Variants in TXNDC11 observed in about 807,000 individuals in gnomAD.
TXNDC11 encodes the protein thioredoxin domain-containing protein 11.
Under a neutral mutation model 78.0 loss-of-function variants are expected in TXNDC11, and 68 were observed. The observed-to-expected ratio is 0.87, with a 90% confidence interval of 0.72 to 1.07. TXNDC11 has a LOEUF of 1.07. Ranked by LOEUF, TXNDC11 falls within the 50% of genes least tolerant of loss-of-function variation. The probability of loss-of-function intolerance (pLI) is 0.00; values close to 1 mark genes in which losing one functional copy is unlikely to be tolerated. For synonymous variants in TXNDC11, 571 were observed against 495.2 expected (o/e 1.15, Z -2.03); for missense variants, 1,389 against 1,221.8 (o/e 1.14, Z -2.04).
intron 7 of TXNDC11, among the ~76,000 whole-genome samples, chr16:11,694,858 T>C (rs1009501399): frequency 4.7e-4 from 71 of 152,282 alleles, no homozygotes; most frequent in Non-Finnish European, 1.9e-4. Context: ...ACAACTCATG[T>C]CACATTCTGT....
chr16:11,713,282 A>T (rs1023269821), intron 5 of TXNDC11, among the ~76,000 whole-genome samples: 3 of 113,662 alleles, frequency 2.6e-5, no homozygotes, highest in African/African-American at 4.2e-5. Flanking sequence ...CTCTGTCTCA[A>T]AAAAAAAAAA....
intron 5 of TXNDC11, among the ~76,000 whole-genome samples, chr16:11,710,314 C>T (rs1393455999): frequency 7.4e-6 from 1 of 135,094 alleles, no homozygotes; most frequent in Non-Finnish European, 1.6e-5. Flanking sequence ...ACACAGGAGT[C>T]AGCTAGATGA....
At position 11,733,978 on chromosome 16, in the gene TXNDC11, T is replaced by C; in HGVS notation, c.569+4A>G. 6.3e-7 allele frequency: 1 copy of C among 1,598,836 alleles called. No individual in the cohort carries two copies. Among genetic ancestry groups the C allele is most frequent in the African/African-American group, 1.3e-5 (1 of 74,562 alleles). ...ATGAGAGACGCTATTTAAAAAGTTC[T>C]TACCTCCGATGATACAGATATATTA... is the stretch of plus-strand genomic sequence containing the variant. On this transcript the variant is annotated splice_donor_region_variant and intron_variant, in intron 3 of 11. Coordinates refer to ENST00000283033, the MANE Select transcript of TXNDC11 (RefSeq NM_015914.7).
chr16:11,689,417 T>A (rs559953932), intron 8 of TXNDC11, among the ~76,000 whole-genome samples: 1 of 152,350 alleles, frequency 6.6e-6, no homozygotes, highest in East Asian at 1.9e-4. Flanking sequence ...TTTTGAAACA[T>A]GAAACCAAGA....
chr16:11,704,264 T>C (rs1222439375), intron 5 of TXNDC11, among the ~76,000 whole-genome samples: 1 of 152,028 alleles, frequency 6.6e-6, no homozygotes, highest in Non-Finnish European at 1.5e-5. Flanking sequence ...CATAATAATA[T>C]TAATGAGAAC....
chr16:11,698,839 C>T (rs544966585), intron 6 of TXNDC11, among the ~76,000 whole-genome samples: 1 of 152,300 alleles, frequency 6.6e-6, no homozygotes, highest in African/African-American at 2.4e-5. Context: ...AGACGAACAC[C>T]AGGCACACAG....
chr16:11,703,008 TGAG>T (rs2051076450), intron 5 of TXNDC11, among the ~76,000 whole-genome samples: 1 of 152,126 alleles, frequency 6.6e-6, no homozygotes, highest in South Asian at 2.1e-4. Context: ...AAGGCAGGGC[TGAG>T]GAGGCCTGGC....
intron 3 of TXNDC11, among the ~76,000 whole-genome samples, chr16:11,731,687 T>TCACACA (rs34570874): frequency 1.9e-4 from 28 of 143,762 alleles, no homozygotes; most frequent in African/African-American, 4.8e-4. Flanking sequence ...TTACAGAAAT[T>TCACACA]CACACACACA....
Position 11,742,660 on chromosome 16 carries a change from CCG to C in TXNDC11, c.69_70del (p.Gly24ArgfsTer85). 1 of 1,463,860 alleles carries C rather than the reference CCG, an allele frequency of 6.8e-7. No individual in the cohort carries two copies. Among genetic ancestry groups the C allele is most frequent in the South Asian group, 1.3e-5 (1 of 76,280 alleles). The allele number at this position is 1,463,860 out of a possible 1,614,324, so 90.7% of individuals were successfully genotyped here. On this transcript the variant is annotated frameshift_variant, in exon 1 of 12. Coordinates refer to ENST00000283033, the MANE Select transcript of TXNDC11 (RefSeq NM_015914.7). LOFTEE classifies it high-confidence loss of function. ...GCAGTCTGAGCCCGCGGGGCCGCCG[CCG>C]CCCCCTCCCTCGTCCTCGGCGTCCT...
At chr16:11,722,162 C>A (rs1259814215) in intron 4 of TXNDC11, among the ~76,000 whole-genome samples, 1 of 152,180 alleles carries the variant, frequency 6.6e-6, no homozygotes, top group Non-Finnish European at 1.5e-5. Flanking sequence ...CAGGGTTAAT[C>A]TTCACCTGTA....
rs1567283596 is a variant in TXNDC11 at position 11,679,484 on chromosome 16, T to C, written c.2588A>G (p.Tyr863Cys). The C allele has an allele frequency of 6.2e-7, 1 of 1,613,590 alleles. No individual in the cohort carries two copies. Among genetic ancestry groups the C allele is most frequent in the Non-Finnish European group, 8.5e-7 (1 of 1,179,998 alleles). ...CTGCAGCTCACGTGTCTTCTGCTCA[T>C]AGAGGGCCTGCAGCTGCTCACTGTG... is the stretch of plus-strand genomic sequence containing the variant. The part of the protein sequence containing the change: ...HAHSEQLQAL[Y>C]EQKTRELQEL... The change falls in exon 12 of 12, where the codon TAT (tyrosine) becomes TGT (cysteine). Residue 863 changes from tyrosine (Y) to cysteine (C), a missense_variant. By Grantham distance (194) the Tyr-to-Cys change is radical (BLOSUM62 -2). Transcript: ENST00000283033. The surrounding 1 kb of genome is among the most constrained non-coding windows in gnomAD (Gnocchi z 4.6).
chr16:11,694,097 C>CTTTTTTTTTTTTTTTTTTT lies in TXNDC11; in HGVS notation c.1108-2034_1108-2016dup, dbSNP rs535913245. Among the ~76,000 whole-genome samples the CTTTTTTTTTTTTTTTTTTT allele has an allele frequency of 2.3e-5, 2 of 85,690 alleles. 1 individual carries two copies. The highest frequency in any genetic ancestry group is 9.8e-5 in the African/African-American group (2 of 20,508). 56.2% of individuals were successfully genotyped at this position (85,690 alleles called of 152,430 possible). On this transcript the variant is annotated intron_variant, in intron 7 of 11. Coordinates refer to ENST00000283033, the MANE Select transcript of TXNDC11 (RefSeq NM_015914.7). ...AGAAAGTATTCTGTCTACAGCAATGCTTTTTTTTTTTTTTTTTTTTTTTTT... is the reference window on the plus strand; with the variant it reads ...AGAAAGTATTCTGTCTACAGCAATGCTTTTTTTTTTTTTTTTTTTTTTTTTTTTTTTTTTTTTTTTTTTT...
intron 11 of TXNDC11, among the ~76,000 whole-genome samples, chr16:11,682,789 A>G (rs902229531): frequency 1.3e-5 from 2 of 152,212 alleles, no homozygotes; most frequent in African/African-American, 2.4e-5. Flanking sequence ...CAGCAGTAGA[A>G]AAGGGTGAGT....
At chr16:11,684,837 G>A (rs1478712220) in intron 10 of TXNDC11, among the ~76,000 whole-genome samples, 1 of 152,214 alleles carries the variant, frequency 6.6e-6, no homozygotes, top group East Asian at 1.9e-4. Context: ...ACAGCTGGGC[G>A]CCCACACTCG....
At chr16:11,712,929 A>AACACACACACACACACACACACACAC (rs111887849) in intron 5 of TXNDC11, among the ~76,000 whole-genome samples, 1 of 141,982 alleles carries the variant, frequency 7.0e-6, no homozygotes, top group Non-Finnish European at 1.5e-5. Context: ...TTCCACTTAA[A>AACACACACACACACACACACACACAC]ACACACACAC....
In TXNDC11 at chr16:11,693,778, C is replaced by T. The variant is rs1029884028; in HGVS notation, c.1108-1696G>A. Among the ~76,000 whole-genome samples the T allele has an allele frequency of 3.9e-5, 6 of 152,256 alleles. No individual in the cohort carries two copies. In the South Asian group the frequency reaches 8.3e-4, roughly 21 times the overall value. On this transcript the variant is annotated intron_variant, in intron 7 of 11. Coordinates refer to ENST00000283033, the MANE Select transcript of TXNDC11 (RefSeq NM_015914.7). Reference sequence around the variant, plus strand: ...TGGTTTTTGGATGAGGCTCTGACAGCATGCAGTACTAACAAGGTCAAGCCT... The same window carrying T: ...TGGTTTTTGGATGAGGCTCTGACAGTATGCAGTACTAACAAGGTCAAGCCT...
At position 11,742,630 on chromosome 16, in the gene TXNDC11, C is replaced by G. The variant is rs771723283; in HGVS notation, c.101G>C (p.Ser34Thr). 1.6e-5 allele frequency: 23 copies of G among 1,461,062 alleles called. No individual in the cohort carries two copies. The East Asian group carries it at 5.4e-4, about 35-fold the overall frequency. 90.5% of individuals were successfully genotyped at this position (1,461,062 alleles called of 1,614,324 possible). ...CGCTGTGGCCAGGGTCGGGCTCGAG[C>G]TGAGGCAGTCTGAGCCCGCGGGGCC... Reference protein sequence around the residue: ...GGGPAGSDCLSSSPTLATASS... With the variant: ...GGGPAGSDCLTSSPTLATASS... Residue 34 changes from serine (S) to threonine (T), a missense_variant, in exon 1 of 12, where the codon AGC becomes ACC. Transcript: ENST00000283033.
At chr16:11,738,769 T>A (rs2052304211) in intron 1 of TXNDC11, among the ~76,000 whole-genome samples, 1 of 152,014 alleles carries the variant, frequency 6.6e-6, no homozygotes, top group African/African-American at 2.4e-5. Flanking sequence ...GGCTCACGCC[T>A]GTAATCCCAG....
chr16:11,691,909 C>T lies in TXNDC11; in HGVS notation c.1281G>A (p.Val427=), dbSNP rs369309316. 7 of 1,613,770 alleles carry T rather than the reference C, an allele frequency of 4.3e-6. No homozygotes were observed. In the African/African-American group the frequency reaches 8.0e-5, roughly 18 times the overall value. Residue 427 remains valine (V), a synonymous_variant, in exon 8 of 12, where the codon GTG becomes GTA. Coordinates refer to ENST00000283033, the MANE Select transcript of TXNDC11 (RefSeq NM_015914.7). ...AGAAGGAGTGCCACTGGGGCAGCACCACAGTGTTGCAGCAGGGGGACGCTG... is the reference window on the plus strand; with the variant it reads ...AGAAGGAGTGCCACTGGGGCAGCACTACAGTGTTGCAGCAGGGGGACGCTG... ...TITASPCCNT[V]VLPQWHSFSR... is the part of the protein sequence containing the mutation.
Sources: allele counts gnomAD v4.1 joint callset (sites outside exome capture counted in the v4.1 genomes callset), GRCh38; gene constraint gnomAD v4.1.1; non-coding constraint Gnocchi (gnomAD v3.1); transcripts MANE v1.5; gene names NCBI Gene and HGNC (gene_info 2026-07-23, HGNC 2026-07-21).